The following NPR3 variants were observed in gnomAD, a reference collection of about 807,000 sequenced individuals.
The protein encoded by NPR3 is natriuretic peptide receptor 3.
In NPR3, 34 loss-of-function variants were observed where a neutral mutation model predicts 54.5. The ratio of observed to expected loss-of-function variants is 0.62; its 90% CI spans 0.47 to 0.83. The LOEUF (loss-of-function observed/expected upper bound fraction) is 0.83, where lower values mean the gene tolerates loss of function less well. NPR3 is among the 40% of genes least tolerant of loss of function. The pLI, the probability that NPR3 is intolerant of heterozygous loss-of-function variation, is 0.00. For missense variants in NPR3, 674 were observed against 720.8 expected (o/e 0.94, Z 0.74); for synonymous variants, 289 against 297.1 (o/e 0.97, Z 0.28).
chr5:32,738,284 C>T (rs996544685), intron 2 of NPR3, among the ~76,000 whole-genome samples: 1 of 151,952 alleles, frequency 6.6e-6, no homozygotes, highest in Non-Finnish European at 1.5e-5. Context: ...CTATCCCTTC[C>T]CCTGCCCCCC....
intron 3 of NPR3, among the ~76,000 whole-genome samples, chr5:32,749,912 T>A (rs1405337533): frequency 6.6e-6 from 1 of 152,204 alleles, no homozygotes. Context: ...AAAAATGGGA[T>A]ATTTACATAA....
intron 1 of NPR3, among the ~76,000 whole-genome samples, chr5:32,698,359 A>G (rs893185331): frequency 3.6e-5 from 5 of 139,334 alleles, no homozygotes; most frequent in African/African-American, 1.4e-4. Context: ...GATGCTTGAT[A>G]TAATTTCATT....
intron 3 of NPR3, among the ~76,000 whole-genome samples, chr5:32,745,518 C>T (rs146566441): frequency 2.0e-5 from 3 of 152,288 alleles, no homozygotes; most frequent in African/African-American, 7.2e-5. Flanking sequence ...AGATTAGTTG[C>T]ATCCCCTGAC....
intron 1 of NPR3, among the ~76,000 whole-genome samples, chr5:32,697,022 T>C (rs554496611): frequency 6.6e-6 from 1 of 152,300 alleles, no homozygotes; most frequent in South Asian, 2.1e-4. Flanking sequence ...TCCAGTACTA[T>C]GTTTAATAAC....
At chr5:32,710,499 C>A, upstream of NPR3, 1 of 710,502 alleles carries the variant, frequency 1.4e-6, no homozygotes, top group Non-Finnish European at 2.1e-6. Context: ...CACTTTCCTG[C>A]TCTCAGTGCG....
At chr5:32,730,996 A>G (rs1233905793) in intron 2 of NPR3, among the ~76,000 whole-genome samples, 1 of 152,136 alleles carries the variant, frequency 6.6e-6, no homozygotes, top group Non-Finnish European at 1.5e-5. Context: ...TGAGCCCATT[A>G]TTTTGCAGAA....
intron 1 of NPR3, among the ~76,000 whole-genome samples, chr5:32,720,931 T>A (rs1561083220): frequency 6.6e-6 from 1 of 152,234 alleles, no homozygotes. Context: ...TGTAATTTAA[T>A]TAGTTATTAT....
At chr5:32,771,580 C>T (rs1056292424) in intron 3 of NPR3, among the ~76,000 whole-genome samples, 1 of 152,094 alleles carries the variant, frequency 6.6e-6, no homozygotes, top group South Asian at 2.1e-4. Flanking sequence ...CTGGGGCACA[C>T]AGTCAGTGCT....
At chr5:32,706,690 A>T (rs1344916453), upstream of NPR3, among the ~76,000 whole-genome samples, 3 of 152,186 alleles carry the variant, frequency 2.0e-5, no homozygotes, top group Admixed American at 2.0e-4. Flanking sequence ...TTTGATGGGA[A>T]ATCATTAGGT....
intron 1 of NPR3, among the ~76,000 whole-genome samples, chr5:32,715,203 G>C (rs753141442): frequency 6.6e-6 from 1 of 152,188 alleles, no homozygotes; most frequent in Non-Finnish European, 1.5e-5. Flanking sequence ...TGTGGGGTGA[G>C]AATCAGGCCT....
Position 32,712,223 on chromosome 5 carries a change from C to G in NPR3, c.447C>G (p.His149Gln). ...CGCCAGTGGCCCGGCTTGCATCGCA[C>G]TGGGACCTGCCCATGCTGTCGGCTG... ...AAAPVARLASHWDLPMLSAGA... is the reference protein window; with the variant it reads ...AAAPVARLASQWDLPMLSAGA... The change falls in exon 1 of 8, where the codon CAC becomes CAG. Residue 149 changes from histidine to glutamine, a missense_variant. By Grantham distance (24) the His-to-Gln change is conservative. Transcript: ENST00000265074. 4 of 1,612,792 alleles carry G rather than the reference C, an allele frequency of 2.5e-6. No individual in the cohort carries two copies. The highest frequency in any genetic ancestry group is 3.4e-6 in the Non-Finnish European group (4 of 1,179,632).
intron 3 of NPR3, among the ~76,000 whole-genome samples, chr5:32,758,416 G>T (rs1458276668): frequency 6.6e-6 from 1 of 152,100 alleles, no homozygotes. Flanking sequence ...TTCTCTGATG[G>T]TAGTTTGTAT....
At position 32,724,762 on chromosome 5, in the gene NPR3, C is replaced by T. The variant is rs765156807; in HGVS notation, c.834C>T (p.Gly278=). 6.2e-7 allele frequency: 1 copy of T among 1,613,910 alleles called. No homozygotes were observed. The highest frequency in any genetic ancestry group is 1.1e-5 in the South Asian group (1 of 91,076). ...TCATGCTGGTGGCGCACAGGCATGG[C>T]ATGACCAGTGGAGACTACGCCTTCT... The part of the protein sequence containing the change: ...RSIMLVAHRH[G]MTSGDYAFFN... The change falls in exon 2 of 8, where the codon GGC becomes GGT. Residue 278 remains glycine (G), a synonymous_variant. Transcript: ENST00000265074.
chr5:32,732,157 C>T (rs905210564), intron 2 of NPR3, among the ~76,000 whole-genome samples: 10 of 139,826 alleles, frequency 7.2e-5, no homozygotes, highest in Middle Eastern at 4.1e-3. Context: ...AGGAGAATGG[C>T]GTGAACCCGG....
upstream of NPR3, chr5:32,710,858 GGT>G: frequency 3.8e-6 from 4 of 1,047,770 alleles, no homozygotes; most frequent in African/African-American, 5.8e-5. Flanking sequence ...CCCCAGTCCT[GGT>G]TTTTTTTTTT....
chr5:32,762,693 G>A (rs1456530275), intron 3 of NPR3, among the ~76,000 whole-genome samples: 4 of 151,570 alleles, frequency 2.6e-5, no homozygotes, highest in Admixed American at 1.3e-4. Flanking sequence ...TTTTTTTCTT[G>A]TAAATTTGTT....
intron 3 of NPR3, among the ~76,000 whole-genome samples, chr5:32,756,693 A>T (rs927013656): frequency 3.3e-5 from 5 of 152,200 alleles, no homozygotes; most frequent in African/African-American, 1.2e-4. Flanking sequence ...CTATGTCCTG[A>T]ATGGTATTGC....
intron 4 of NPR3, among the ~76,000 whole-genome samples, chr5:32,775,435 C>T (rs985539305): frequency 6.6e-6 from 1 of 152,072 alleles, no homozygotes; most frequent in African/African-American, 2.4e-5. Context: ...GCAGGGATTA[C>T]AGGCGCCTGC....
At chr5:32,713,145 G>A (rs1738356379) in intron 1 of NPR3, 3 of 984,622 alleles carry the variant, frequency 3.0e-6, no homozygotes, top group Middle Eastern at 1.0e-3. Flanking sequence ...GAGCTTCTGT[G>A]GTTTCCACCA....
Sources: gnomAD v4.1 joint callset for allele counts (sites outside exome capture counted in the v4.1 genomes callset) on GRCh38, gnomAD v4.1.1 for gene constraint, MANE v1.5 for transcripts, NCBI Gene and HGNC (gene_info 2026-07-23, HGNC 2026-07-21) for gene names.